Variants in GREB1L observed in about 807,000 individuals in gnomAD.
The protein encoded by GREB1L is GREB1 like retinoic acid receptor coactivator.
GREB1L carries 17 observed loss-of-function variants against 200.8 expected under a neutral mutation model. The ratio of observed to expected loss-of-function variants is 0.08; its 90% CI spans 0.06 to 0.13. The LOEUF (loss-of-function observed/expected upper bound fraction) is 0.13. Among genes scored for constraint, GREB1L ranks in the 10% least tolerant of loss-of-function variants. The pLI is 1.00. For synonymous variants in GREB1L, 789 were observed against 893.0 expected (o/e 0.88, Z 2.08); for missense variants, 1,657 against 2,367.7 (o/e 0.70, Z 6.23).
intron 7 of GREB1L, among the ~76,000 whole-genome samples, chr18:21,413,802 G>A (rs1369261307): frequency 1.3e-5 from 2 of 152,148 alleles, no homozygotes; most frequent in African/African-American, 4.8e-5. Context: ...AAGAGAAAAT[G>A]CAACCCCTTA....
At chr18:21,520,411 G>A (rs1363641448) in intron 31 of GREB1L, among the ~76,000 whole-genome samples, 5 of 152,130 alleles carry the variant, frequency 3.3e-5, no homozygotes, top group Non-Finnish European at 5.9e-5. Context: ...ACTCTTAAAT[G>A]GAAGGGCTTG....
In GREB1L at chr18:21,416,839, A is replaced by G. The variant is rs539624184; in HGVS notation, c.832+12845A>G. Among the ~76,000 whole-genome samples, 42 of 151,834 alleles carry G rather than the reference A, an allele frequency of 2.8e-4. No homozygotes were observed. In the South Asian group the frequency reaches 8.7e-3, roughly 32 times the overall value. On this transcript the variant is annotated intron_variant, in intron 7 of 32. Transcript: ENST00000424526. ...TCAGGAGTTCAAGACCAGCCTGGAC[A>G]ACATGGTGAAATCCTGTCTCTACAA...
At chr18:21,471,723 G>A (rs542719895) in intron 15 of GREB1L, among the ~76,000 whole-genome samples, 1 of 151,478 alleles carries the variant, frequency 6.6e-6, no homozygotes, top group Non-Finnish European at 1.5e-5. Context: ...CTGGGTTGAA[G>A]CGATTCTCCT....
intron 11 of GREB1L, among the ~76,000 whole-genome samples, chr18:21,449,075 C>T (rs2034388835): frequency 6.6e-6 from 1 of 152,214 alleles, no homozygotes; most frequent in African/African-American, 2.4e-5. Context: ...TCCAAAATGC[C>T]TATGACTAAA....
In GREB1L at chr18:21,516,763, C is replaced by A. The variant is rs1371485251; in HGVS notation, c.5271+9C>A. On this transcript the variant is annotated intron_variant, in intron 30 of 32. Transcript: ENST00000424526. ...TTAAACCAAAGATCATGGTGAGTAC[C>A]GCAAGCTTGATTCAAGTGCTGAAAA... is the stretch of plus-strand genomic sequence containing the variant. The A allele has an allele frequency of 6.5e-7, 1 of 1,548,052 alleles. No homozygotes were observed.
chr18:21,426,215 C>A (rs1430676529), intron 7 of GREB1L, among the ~76,000 whole-genome samples: 1 of 152,038 alleles, frequency 6.6e-6, no homozygotes, highest in Non-Finnish European at 1.5e-5. Flanking sequence ...CACCACCACG[C>A]CTGGCTAATT....
intron 7 of GREB1L, among the ~76,000 whole-genome samples, chr18:21,412,867 T>C (rs1350918132): frequency 6.6e-6 from 1 of 151,680 alleles, no homozygotes; most frequent in Non-Finnish European, 1.5e-5. Context: ...AAACTACATA[T>C]ATGTACCAAT....
At chr18:21,495,816 A>G (rs1321681088) in intron 20 of GREB1L, 31 bp downstream of exon 20, 1 of 1,222,532 alleles carries the variant, frequency 8.2e-7, no homozygotes, top group Non-Finnish European at 1.2e-6. Flanking sequence ...TCCATTTTTC[A>G]TCAGTTGCCC....
intron 1 of GREB1L, among the ~76,000 whole-genome samples, chr18:21,322,628 A>G (rs553611312): frequency 6.6e-6 from 1 of 152,336 alleles, no homozygotes; most frequent in Non-Finnish European, 1.5e-5. Flanking sequence ...TAAGAACAGT[A>G]GTAGTGTATA....
At chr18:21,521,353 A>C (rs899646183) in intron 32 of GREB1L, among the ~76,000 whole-genome samples, 1 of 151,568 alleles carries the variant, frequency 6.6e-6, no homozygotes, top group Non-Finnish European at 1.5e-5. Flanking sequence ...CCTGGGCAAC[A>C]ACAGTGAAAC....
chr18:21,350,784 A>G lies in GREB1L; in HGVS notation c.-119-15243A>G, dbSNP rs139889525. Reference sequence around the variant, plus strand: ...TGAACTAAAGAAAGTTAGAACATCTATAAGAAGTGGGGAAAAGATTGTAGT... The same window carrying G: ...TGAACTAAAGAAAGTTAGAACATCTGTAAGAAGTGGGGAAAAGATTGTAGT... On this transcript the variant is annotated intron_variant, in intron 1 of 32. Transcript: ENST00000424526. Among the ~76,000 whole-genome samples the G allele has an allele frequency of 8.1e-3, 1,229 of 152,300 alleles. 28 individuals are homozygous for G. The highest frequency in any genetic ancestry group is 0.028 in the African/African-American group (1,181 of 41,562).
Position 21,452,102 on chromosome 18 carries a change from G to A in GREB1L, c.1869G>A (p.Leu623=), listed in dbSNP as rs551841312. Residue 623 remains leucine (L), a synonymous_variant, in exon 14 of 33, where the codon CTG becomes CTA. Coordinates refer to ENST00000424526, the MANE Select transcript of GREB1L (RefSeq NM_001142966.3). ...TAATAGGCGATGACCTAGACAAGCT[G>A]CTGGAAAAAATGCAACAAAGAAGAG... is the stretch of plus-strand genomic sequence containing the variant. ...TTSLGDDLDK[L]LEKMQQRRGD... 1 of 1,552,154 alleles carries A rather than the reference G, an allele frequency of 6.4e-7. No homozygotes were observed. Among genetic ancestry groups the A allele is most frequent in the African/African-American group, 1.4e-5 (1 of 73,156 alleles).
At chr18:21,467,460 G>A (rs1187452540) in intron 15 of GREB1L, among the ~76,000 whole-genome samples, 1 of 152,166 alleles carries the variant, frequency 6.6e-6, no homozygotes, top group Non-Finnish European at 1.5e-5. Context: ...GTCCAAAGGA[G>A]ATACATGAAT....
chr18:21,275,537 C>T (rs2038148564), intron 1 of GREB1L, among the ~76,000 whole-genome samples: 2 of 151,910 alleles, frequency 1.3e-5, no homozygotes, highest in Non-Finnish European at 2.9e-5. Flanking sequence ...CCTGTAATCC[C>T]AGCTACTCGG....
At chr18:21,477,133 G>A (rs2035733070) in intron 16 of GREB1L, 31 bp from the exon 17 acceptor site, 1 of 1,442,294 alleles carries the variant, frequency 6.9e-7, no homozygotes, top group African/African-American at 1.4e-5. Context: ...GGTTAAATGA[G>A]GTATTAATAT....
intron 1 of GREB1L, among the ~76,000 whole-genome samples, chr18:21,323,029 A>G (rs1022157371): frequency 7.9e-5 from 12 of 152,296 alleles, no homozygotes; most frequent in African/African-American, 2.9e-4. Context: ...TCACACCTGT[A>G]ATCTCAGCAC....
chr18:21,397,541 A>AAAAAT (rs1555637997), intron 5 of GREB1L, among the ~76,000 whole-genome samples: 1 of 126,116 alleles, frequency 7.9e-6, no homozygotes, highest in African/African-American at 3.4e-5. Flanking sequence ...AAAAAAAAAA[A>AAAAAT]AATAATAATA....
chr18:21,430,581 CTTT>C (rs147151717), intron 7 of GREB1L, among the ~76,000 whole-genome samples: 8 of 60,214 alleles, frequency 1.3e-4, no homozygotes, highest in African/African-American at 3.3e-4. Context: ...GATTTGGGAT[CTTT>C]TTTTTTTTTT....
intron 1 of GREB1L, among the ~76,000 whole-genome samples, chr18:21,248,189 C>G (rs559990432): frequency 1.3e-5 from 2 of 152,076 alleles, no homozygotes; most frequent in Non-Finnish European, 1.5e-5. Context: ...AGTTGTGAAG[C>G]AAGACACTTG....
Sources: gnomAD v4.1 joint callset for allele counts (sites outside exome capture counted in the v4.1 genomes callset) on GRCh38, gnomAD v4.1.1 for gene constraint, MANE v1.5 for transcripts, NCBI Gene and HGNC (gene_info 2026-07-23, HGNC 2026-07-21) for gene names.